The following DMRT1 variants were observed in gnomAD, a reference collection of about 807,000 sequenced individuals.
DMRT1 encodes the protein doublesex and mab-3 related transcription factor 1, also known as doublesex- and mab-3-related transcription factor 1.
In DMRT1, 7 loss-of-function variants were observed where a neutral mutation model predicts 32.3. That is an observed-to-expected ratio of 0.22 (90% confidence interval 0.12 to 0.41). DMRT1 has a LOEUF of 0.41. Ranked by LOEUF, DMRT1 falls within the 10% of genes least tolerant of loss-of-function variation. DMRT1 has a pLI of 1.00. For synonymous variants in DMRT1, 278 were observed against 206.1 expected (o/e 1.35, Z -2.99); for missense variants, 625 against 500.5 (o/e 1.25, Z -2.37).
chr9:883,293 C>T (rs906370839), intron 2 of DMRT1, among the ~76,000 whole-genome samples: 3 of 152,074 alleles, frequency 2.0e-5, no homozygotes, highest in Admixed American at 1.3e-4. Context: ...ACAAAAATCT[C>T]TTCCTGGGAG....
rs148985117 is a variant in DMRT1, at chr9:904,929, C to T, written c.822+10734C>T. Among the ~76,000 whole-genome samples the T allele has an allele frequency of 9.5e-3, 1,214 of 127,932 alleles. 14 individuals carry two copies. Among genetic ancestry groups the T allele is most frequent in the South Asian group, 0.04 (147 of 3,670 alleles). The allele number at this position is 127,932 out of a possible 152,430, so 83.9% of individuals were successfully genotyped here. Reference sequence around the variant, plus strand: ...TGTACTCCAGCCTGGGCAACAAGAACGAAACTCCGTCTCAAAAAAAAAAAA... The same window carrying T: ...TGTACTCCAGCCTGGGCAACAAGAATGAAACTCCGTCTCAAAAAAAAAAAA... On this transcript the variant is annotated intron_variant, in intron 3 of 4. Coordinates refer to ENST00000382276, the MANE Select transcript of DMRT1 (RefSeq NM_021951.3).
In DMRT1 at chr9:841,946, G is replaced by A; in HGVS notation, c.108G>A (p.Gly36=). Residue 36 remains glycine, a synonymous_variant, in exon 1 of 5, where the codon GGG becomes GGA. Coordinates refer to ENST00000382276, the MANE Select transcript of DMRT1 (RefSeq NM_021951.3). ...GRAGGFGKAS[G]ALVGAASGSS... is the part of the protein sequence containing the mutation. ...CCGGGGGCTTTGGCAAAGCGTCTGG[G>A]GCGCTAGTGGGGGCGGCCAGCGGCT... is the stretch of plus-strand genomic sequence containing the variant. 1 of 1,600,608 alleles carries A rather than the reference G, an allele frequency of 6.2e-7. No individual in the cohort carries two copies. Among genetic ancestry groups the A allele is most frequent in the Non-Finnish European group, 8.5e-7 (1 of 1,174,138 alleles).
intron 2 of DMRT1, among the ~76,000 whole-genome samples, chr9:871,364 G>A (rs1238631568): frequency 1.4e-5 from 2 of 147,760 alleles, no homozygotes; most frequent in African/African-American, 5.0e-5. Flanking sequence ...ACTGAGTCTT[G>A]CCCTGTCACC....
chr9:941,105 T>C (rs920867257), intron 4 of DMRT1, among the ~76,000 whole-genome samples: 2 of 152,166 alleles, frequency 1.3e-5, no homozygotes, highest in African/African-American at 4.8e-5. Context: ...ATAGCCTTTA[T>C]GCAAACAGTA....
At chr9:863,862 C>T (rs916623644) in intron 2 of DMRT1, among the ~76,000 whole-genome samples, 1 of 152,194 alleles carries the variant, frequency 6.6e-6, no homozygotes, top group African/African-American at 2.4e-5. Flanking sequence ...TCTGAACCAT[C>T]TATGTCCTTT....
At chr9:886,505 C>T (rs571884293) in intron 2 of DMRT1, among the ~76,000 whole-genome samples, 15 of 152,178 alleles carry the variant, frequency 9.9e-5, no homozygotes, top group African/African-American at 2.6e-4. Flanking sequence ...ATCCACCCGC[C>T]GCAGCCTCCC....
intron 2 of DMRT1, among the ~76,000 whole-genome samples, chr9:865,137 C>T (rs1290415430): frequency 6.6e-6 from 1 of 152,144 alleles, no homozygotes; most frequent in African/African-American, 2.4e-5. Context: ...CATGACGTTT[C>T]CAGGTTTTCC....
chr9:954,384 T>C (rs411490), intron 4 of DMRT1, among the ~76,000 whole-genome samples: 105,466 of 151,464 alleles, frequency 0.7, 36,953 homozygotes, highest in East Asian at 0.8. Context: ...GATGAGGCTG[T>C]GGTAGGATAG....
intron 4 of DMRT1, among the ~76,000 whole-genome samples, chr9:962,861 T>C (rs542072767): frequency 6.6e-6 from 1 of 152,264 alleles, no homozygotes; most frequent in South Asian, 2.1e-4. Context: ...AATCTGCAGC[T>C]ACAGTAGGAC....
intron 4 of DMRT1, among the ~76,000 whole-genome samples, chr9:937,633 A>G (rs1025616925): frequency 6.6e-6 from 1 of 152,106 alleles, no homozygotes; most frequent in Admixed American, 6.6e-5. Flanking sequence ...CTTCTTGGCC[A>G]TTTATGTATC....
chr9:896,654 A>C (rs2129642894), intron 3 of DMRT1, among the ~76,000 whole-genome samples: 1 of 152,142 alleles, frequency 6.6e-6, no homozygotes, highest in East Asian at 1.9e-4. Flanking sequence ...CTCTACTAAA[A>C]ATACAAAAAT....
chr9:890,083 G>GGGTTTTTTTTTTTTTTTTTTTTTTTTT (rs1273507545), intron 2 of DMRT1, among the ~76,000 whole-genome samples: 1 of 108,886 alleles, frequency 9.2e-6, no homozygotes. Flanking sequence ...GCCACCAAAC[G>GGGTTTTTTTTTTTTTTTTTTTTTTTTT]TGTTTTTTTT....
At chr9:934,505 T>A (rs939110560) in intron 4 of DMRT1, among the ~76,000 whole-genome samples, 4 of 151,742 alleles carry the variant, frequency 2.6e-5, no homozygotes, top group Non-Finnish European at 4.4e-5. Flanking sequence ...CTCTCCAGCT[T>A]GGGCAAAAAA....
chr9:858,870 AATATATATAT>A (rs139337855), intron 2 of DMRT1, among the ~76,000 whole-genome samples: 29 of 48,074 alleles, frequency 6.0e-4, no homozygotes, highest in African/African-American at 2.1e-3. Flanking sequence ...AAAAAAAAAA[AATATATATAT>A]ATATATATAT....
At position 847,280 on chromosome 9, in the gene DMRT1, G is replaced by A; in HGVS notation, c.538+137G>A. 7 of 938,444 alleles carry A rather than the reference G, an allele frequency of 7.5e-6. No individual in the cohort carries two copies. The South Asian group carries it at 1.2e-4, about 16-fold the overall frequency. The allele number at this position is 938,444 out of a possible 1,614,324, so 58.1% of individuals were successfully genotyped here. On this transcript the variant is annotated intron_variant, in intron 2 of 4. Transcript: ENST00000382276. ...GGATTCTGTAGAGGATTCTCCCTGTGAAGGGCTGTTTGTGCCTGCATCACA... is the reference window on the plus strand; with the variant it reads ...GGATTCTGTAGAGGATTCTCCCTGTAAAGGGCTGTTTGTGCCTGCATCACA...
At chr9:885,345 G>C (rs1384261694) in intron 2 of DMRT1, among the ~76,000 whole-genome samples, 1 of 152,214 alleles carries the variant, frequency 6.6e-6, no homozygotes, top group Non-Finnish European at 1.5e-5. Context: ...AAAAGAATGA[G>C]ATCACATGTG....
At chr9:924,000 G>A (rs1564254169) in intron 4 of DMRT1, among the ~76,000 whole-genome samples, 1 of 152,006 alleles carries the variant, frequency 6.6e-6, no homozygotes, top group Non-Finnish European at 1.5e-5. Flanking sequence ...GAAGGGCATT[G>A]GAACTATCCC....
intron 2 of DMRT1, among the ~76,000 whole-genome samples, chr9:892,548 C>A (rs1307657388): frequency 6.6e-6 from 1 of 152,152 alleles, no homozygotes. Context: ...GGAACAGGCT[C>A]CTCTCTTACA....
rs189808915 is a variant in DMRT1, at chr9:904,396, C to G, written c.822+10201C>G. Among the ~76,000 whole-genome samples the G allele has an allele frequency of 4.2e-3, 647 of 152,238 alleles. 3 individuals are homozygous for G. The highest frequency in any genetic ancestry group is 0.015 in the African/African-American group (622 of 41,536). ...TATTTCTGTGGTCTCTTAAGTGTTC[C>G]TCATCATTTGAATAAAGATGAAAAT... On this transcript the variant is annotated intron_variant, in intron 3 of 4. Transcript: ENST00000382276.
Sources: allele counts gnomAD v4.1 joint callset (sites outside exome capture counted in the v4.1 genomes callset), GRCh38; gene constraint gnomAD v4.1.1; transcripts MANE v1.5; gene names NCBI Gene and HGNC (gene_info 2026-07-23, HGNC 2026-07-21).